Variants in JAKMIP3 observed in about 807,000 individuals in gnomAD.
JAKMIP3 encodes the protein Janus kinase and microtubule interacting protein 3.
JAKMIP3 carries 58 observed loss-of-function variants against 118.5 expected under a neutral mutation model. That is an observed-to-expected ratio of 0.49 (90% CI 0.40 to 0.61). The LOEUF (loss-of-function observed/expected upper bound fraction) is 0.61, where lower values mean the gene tolerates loss of function less well. JAKMIP3 is among the 20% of genes least tolerant of loss of function. JAKMIP3 has a pLI of 0.00. For synonymous variants in JAKMIP3, 486 were observed against 451.2 expected, an observed-to-expected ratio of 1.08 and a Z score of -0.98; for missense variants, 950 against 1,109.0, an observed-to-expected ratio of 0.86 and a Z score of 2.04.
In JAKMIP3 at chr10:132,135,883, G is replaced by C. The variant is rs774417612; in HGVS notation, c.970-47G>C. 21 of 1,578,456 alleles carry C rather than the reference G, an allele frequency of 1.3e-5. No homozygotes were observed. In the East Asian group the frequency reaches 4.8e-4, roughly 36 times the overall value. On this transcript the variant is annotated intron_variant, in intron 5 of 23. Transcript: ENST00000684848. ...AGCCGACTCTGCGTGGAGACCTGCT[G>C]GTTCTCCGTCACTTAAAGAACAATC...
At chr10:132,082,234 T>C (rs1392778871) in intron 1 of JAKMIP3, among the ~76,000 whole-genome samples, 1 of 152,116 alleles carries the variant, frequency 6.6e-6, no homozygotes, top group African/African-American at 2.4e-5. Flanking sequence ...ATTTTTTAAA[T>C]TTTTTATTTC....
At chr10:132,139,250 ATG>A (rs1286925183) in intron 9 of JAKMIP3, among the ~76,000 whole-genome samples, 1,126 of 72,578 alleles carry the variant, frequency 0.016, 75 homozygotes, top group Non-Finnish European at 0.023. Context: ...CTGTGTGTGT[ATG>A]TGTGTGTGTG....
intron 1 of JAKMIP3, among the ~76,000 whole-genome samples, chr10:132,074,529 TG>T (rs1258558222): frequency 6.6e-6 from 1 of 152,216 alleles, no homozygotes; most frequent in African/African-American, 2.4e-5. Context: ...CACTTTTTAA[TG>T]GGTTTTTTTC....
chr10:132,108,879 ACAAATGTATATATAAATTATATACG>A lies in JAKMIP3; in HGVS notation c.135+4026_135+4050del, dbSNP rs1564907708. 7.0e-4 allele frequency among the ~76,000 whole-genome samples: 73 copies of A among 103,970 alleles called. 1 individual carries two copies. Among genetic ancestry groups the A allele is most frequent in the Non-Finnish European group, 1.1e-3 (50 of 46,354 alleles). 68.2% of individuals were successfully genotyped at this position (103,970 alleles called of 152,430 possible). A position where few individuals can be genotyped will look rare whatever the true frequency, so the allele number is the denominator to read the frequency against. ...ATATATATGTATATAAATTATATACACAAATGTATATATAAATTATATACGCAAATGTATATATAAATTATATACG... is the reference window on the plus strand; with the variant it reads ...ATATATATGTATATAAATTATATACACAAATGTATATATAAATTATATACG... On this transcript the variant is annotated intron_variant, in intron 2 of 23. Transcript: ENST00000684848.
rs2060551999 is a variant in JAKMIP3 at position 132,179,828 on chromosome 10, G to T, written c.*1104-2529G>T. ...GCCCTATAATCGGGAGGCATGGCTG[G>T]ATCTGCAAGGGAAGAGTTCACAGGC... On this transcript the variant is annotated intron_variant, in intron 23 of 23. Transcript: ENST00000684848. The surrounding 1 kb of genome is among the most constrained non-coding windows in gnomAD (Gnocchi z 4.3). Among the ~76,000 whole-genome samples the T allele has an allele frequency of 6.6e-6, 1 of 152,078 alleles. No homozygotes were observed. Among genetic ancestry groups the T allele is most frequent in the Non-Finnish European group, 1.5e-5 (1 of 68,036 alleles).
intron 1 of JAKMIP3, among the ~76,000 whole-genome samples, chr10:132,092,517 T>TCATTCATTCATATC (rs2043228360): frequency 6.6e-6 from 1 of 152,258 alleles, no homozygotes; most frequent in Non-Finnish European, 1.5e-5. Context: ...TTCATTCATT[T>TCATTCATTCATATC]GGTCTTCAAT....
At position 132,153,975 on chromosome 10, in the gene JAKMIP3, G is replaced by A; in HGVS notation, c.2205G>A (p.Leu735=). 6.2e-7 allele frequency: 1 copy of A among 1,612,988 alleles called. No homozygotes were observed. The highest frequency in any genetic ancestry group is 1.1e-5 in the South Asian group (1 of 91,074). Residue 735 remains leucine, a synonymous_variant, in exon 19 of 24, where the codon TTG becomes TTA. Coordinates refer to ENST00000684848, the MANE Select transcript of JAKMIP3 (RefSeq NM_001323087.2). ...AGCTGGACTACCGGAAACAGGCCTT[G>A]GACCAGGCCAACAAGGTGAGAGGCA... is the stretch of plus-strand genomic sequence containing the variant. The part of the protein sequence containing the change: ...DEELDYRKQA[L]DQANKHILEL...
chr10:132,143,150 G>C (rs549343241), intron 11 of JAKMIP3, among the ~76,000 whole-genome samples: 22 of 152,060 alleles, frequency 1.4e-4, no homozygotes, highest in African/African-American at 4.8e-4. Flanking sequence ...GTCGGGGTGG[G>C]GGGGGCTGGC....
At chr10:132,036,582 C>A (rs1322507531), upstream of JAKMIP3, among the ~76,000 whole-genome samples, 1 of 151,562 alleles carries the variant, frequency 6.6e-6, no homozygotes, top group East Asian at 1.9e-4. Context: ...GAGCAAGGAG[C>A]GCGGCCGCGG....
At chr10:132,073,995 G>A (rs765518141) in intron 1 of JAKMIP3, among the ~76,000 whole-genome samples, 4 of 127,260 alleles carry the variant, frequency 3.1e-5, no homozygotes, top group African/African-American at 6.0e-5. Flanking sequence ...CACCAGCAGC[G>A]TACAAGAGTT....
At chr10:132,143,384 G>C (rs567412507) in intron 11 of JAKMIP3, among the ~76,000 whole-genome samples, 2 of 152,076 alleles carry the variant, frequency 1.3e-5, no homozygotes, top group Non-Finnish European at 2.9e-5. Context: ...GGCAACAGCC[G>C]CATCCTCCTG....
At chr10:132,153,732 T>C (rs746719493) in intron 17 of JAKMIP3, 27 bp from the exon 18 acceptor site, 1 of 1,612,056 alleles carries the variant, frequency 6.2e-7, no homozygotes, top group Non-Finnish European at 8.5e-7. Flanking sequence ...TAGGGGTCAC[T>C]GTCCTGCTTG....
At chr10:132,088,478 A>G (rs942191466) in intron 1 of JAKMIP3, among the ~76,000 whole-genome samples, 1 of 152,068 alleles carries the variant, frequency 6.6e-6, no homozygotes, top group African/African-American at 2.4e-5. Flanking sequence ...GCATTTTTTC[A>G]TGTGTCTGTT....
chr10:132,070,360 C>T (rs183454894), intron 1 of JAKMIP3, among the ~76,000 whole-genome samples: 71 of 152,252 alleles, frequency 4.7e-4, no homozygotes, highest in African/African-American at 1.7e-3. Flanking sequence ...GTTGGTCAGG[C>T]TGGTCTTGAA....
At chr10:132,108,883 A>ATGTATATATAAATTATATACGCAAC (rs2135077108) in intron 2 of JAKMIP3, among the ~76,000 whole-genome samples, 1 of 138,120 alleles carries the variant, frequency 7.2e-6, no homozygotes, top group East Asian at 2.1e-4. Context: ...ATATACACAA[A>ATGTATATATAAATTATATACGCAAC]TGTATATATA....
At position 132,044,441 on chromosome 10, in the gene JAKMIP3, C is replaced by T. The variant is rs2037849927; in HGVS notation, c.-138+7703C>T. Among the ~76,000 whole-genome samples, 1 of 152,160 alleles carries T rather than the reference C, an allele frequency of 6.6e-6. No homozygotes were observed. Among genetic ancestry groups the T allele is most frequent in the Admixed American group, 6.5e-5 (1 of 15,268 alleles). On this transcript the variant is annotated intron_variant, in intron 1 of 23. Coordinates refer to the JAKMIP3 transcript ENST00000657785. This position sits in a 1 kb window ranked among gnomAD's most constrained non-coding sequence, Gnocchi z 5.3. Reference sequence around the variant, plus strand: ...GCAAGAGCTCGTGACGGGAGCTCACCAGTCTAGTAGGGAAGGTCAGGGAAG... The same window carrying T: ...GCAAGAGCTCGTGACGGGAGCTCACTAGTCTAGTAGGGAAGGTCAGGGAAG...
At chr10:132,120,164 C>T (rs1463579054) in intron 3 of JAKMIP3, among the ~76,000 whole-genome samples, 1 of 152,240 alleles carries the variant, frequency 6.6e-6, no homozygotes, top group Non-Finnish European at 1.5e-5. Flanking sequence ...CTTACATGAT[C>T]TTTTCCTACA....
rs532376361 is a variant in JAKMIP3 at position 132,118,984 on chromosome 10, A to G, written c.633+1410A>G. ...TGGTTGGATTCGATGCTCTCAGTAG[A>G]GGAAGGCAGCTTTTTTCTTAAGTAA... On this transcript the variant is annotated intron_variant, in intron 3 of 23. Transcript: ENST00000684848. This position sits in a 1 kb window ranked among gnomAD's most constrained non-coding sequence, Gnocchi z 4.8. 6.6e-6 allele frequency among the ~76,000 whole-genome samples: 1 copy of G among 152,298 alleles called. No individual in the cohort carries two copies. Among genetic ancestry groups the G allele is most frequent in the East Asian group, 1.9e-4 (1 of 5,186 alleles).
At chr10:132,041,968 G>C (rs1056252697) in intron 1 of JAKMIP3, among the ~76,000 whole-genome samples, 8 of 151,930 alleles carry the variant, frequency 5.3e-5, no homozygotes, top group African/African-American at 1.5e-4. Context: ...CCAGGTTCAG[G>C]TGATTCTTGT....
Sources: gnomAD v4.1 joint callset for allele counts (sites outside exome capture counted in the v4.1 genomes callset) on GRCh38, gnomAD v4.1.1 for gene constraint, Gnocchi (gnomAD v3.1) non-coding constraint, MANE v1.5 for transcripts, NCBI Gene and HGNC (gene_info 2026-07-23, HGNC 2026-07-21) for gene names.